Variants in PCDH7 observed in about 807,000 individuals in gnomAD.
The protein encoded by PCDH7 is protocadherin-7.
In PCDH7, 17 loss-of-function variants were observed where a neutral mutation model predicts 58.9. That is an observed-to-expected ratio of 0.29 (90% CI 0.20 to 0.43). The LOEUF (loss-of-function observed/expected upper bound fraction) is 0.43. PCDH7 is among the 20% of genes least tolerant of loss of function. PCDH7 has a pLI of 1.00. For synonymous variants in PCDH7, 664 were observed against 616.4 expected (o/e 1.08, Z -1.14); for missense variants, 1,274 against 1,441.0 (o/e 0.88, Z 1.88).
At chr4:30,915,230 C>CT (rs1742288382) in intron 1 of PCDH7, among the ~76,000 whole-genome samples, 1 of 152,274 alleles carries the variant, frequency 6.6e-6, no homozygotes, top group Non-Finnish European at 1.5e-5. Flanking sequence ...CTATTTCTCT[C>CT]TTTTTTCATA....
chr4:30,750,850 A>G (rs1056259978), intron 1 of PCDH7, among the ~76,000 whole-genome samples: 4 of 152,172 alleles, frequency 2.6e-5, no homozygotes, highest in East Asian at 3.9e-4. Context: ...TGGAGCATTT[A>G]TATATAAAGT....
chr4:31,019,632 T>G (rs1287995171), intron 3 of PCDH7, among the ~76,000 whole-genome samples: 1 of 150,178 alleles, frequency 6.7e-6, no homozygotes, highest in African/African-American at 2.5e-5. Context: ...GAGGTTGCAG[T>G]GAGCCCAGAT....
intron 3 of PCDH7, among the ~76,000 whole-genome samples, chr4:31,090,651 A>G (rs1431776568): frequency 6.6e-6 from 1 of 152,096 alleles, no homozygotes; most frequent in Non-Finnish European, 1.5e-5. Flanking sequence ...CGGATATATA[A>G]TCTAAGGATG....
At chr4:30,862,722 G>C (rs1463275826) in intron 1 of PCDH7, among the ~76,000 whole-genome samples, 1 of 152,010 alleles carries the variant, frequency 6.6e-6, no homozygotes, top group Non-Finnish European at 1.5e-5. Context: ...GCTTCTCTCA[G>C]TTCAACAACA....
At chr4:31,121,937 G>A (rs578048286) in intron 3 of PCDH7, among the ~76,000 whole-genome samples, 14 of 152,144 alleles carry the variant, frequency 9.2e-5, no homozygotes, top group African/African-American at 2.6e-4. Context: ...GGTTAGTAGC[G>A]CTGGAGTTAA....
At chr4:30,832,411 A>C (rs1729918927) in intron 1 of PCDH7, among the ~76,000 whole-genome samples, 1 of 152,128 alleles carries the variant, frequency 6.6e-6, no homozygotes, top group African/African-American at 2.4e-5. Context: ...GTAAGCATCG[A>C]CAGATTTTTG....
intron 3 of PCDH7, among the ~76,000 whole-genome samples, chr4:31,087,884 A>T (rs990090818): frequency 2.6e-5 from 4 of 152,096 alleles, no homozygotes; most frequent in African/African-American, 9.7e-5. Flanking sequence ...ATAAGTAGTT[A>T]AGGGAAGAAA....
intron 1 of PCDH7, among the ~76,000 whole-genome samples, chr4:30,841,358 A>G (rs1041118920): frequency 6.6e-6 from 1 of 152,148 alleles, no homozygotes; most frequent in Non-Finnish European, 1.5e-5. Flanking sequence ...AATGAGTTCA[A>G]GGAACTAAAT....
intron 3 of PCDH7, among the ~76,000 whole-genome samples, chr4:31,109,015 T>C (rs1229616419): frequency 1.3e-5 from 2 of 152,176 alleles, no homozygotes; most frequent in African/African-American, 4.8e-5. Context: ...CTTCCATTTG[T>C]CCTTTCCTGG....
chr4:31,108,369 T>TAAAAAAA lies in PCDH7; in HGVS notation c.*8-34070_*8-34064dup, dbSNP rs71190491. Among the ~76,000 whole-genome samples the TAAAAAAA allele has an allele frequency of 1.1e-3, 65 of 60,070 alleles. 3 individuals are homozygous for TAAAAAAA. Among genetic ancestry groups the TAAAAAAA allele is most frequent in the Non-Finnish European group, 1.4e-3 (39 of 27,002 alleles). The allele number at this position is 60,070 out of a possible 152,430, so 39.4% of individuals were successfully genotyped here. A position where few individuals can be genotyped will look rare whatever the true frequency, so the allele number is the denominator to read the frequency against. On this transcript the variant is annotated intron_variant, in intron 3 of 3. Transcript: ENST00000509759. Reference sequence around the variant, plus strand: ...GTAGACTGTAACATACAGCATACAGTAAAAAAAAAAAAAAAAAAAAAAAAA... The same window carrying TAAAAAAA: ...GTAGACTGTAACATACAGCATACAGTAAAAAAAAAAAAAAAAAAAAAAAAAAAAAAAA...
chr4:30,743,971 G>C (rs1287541421), intron 1 of PCDH7, among the ~76,000 whole-genome samples: 1 of 152,062 alleles, frequency 6.6e-6, no homozygotes, highest in Non-Finnish European at 1.5e-5. Context: ...TCTGTACTTG[G>C]CAATCTTCCT....
At chr4:30,981,880 C>T (rs1329363918) in intron 3 of PCDH7, among the ~76,000 whole-genome samples, 3 of 152,100 alleles carry the variant, frequency 2.0e-5, no homozygotes, top group South Asian at 4.1e-4. Context: ...CTGTAGAATG[C>T]CATTCACCAT....
At chr4:31,064,418 A>G (rs1031234238) in intron 3 of PCDH7, among the ~76,000 whole-genome samples, 2 of 151,956 alleles carry the variant, frequency 1.3e-5, no homozygotes, top group African/African-American at 4.8e-5. Context: ...GTGGCAACAA[A>G]ATGTCCTAAG....
intron 3 of PCDH7, among the ~76,000 whole-genome samples, chr4:31,033,268 G>A (rs1468274776): frequency 6.6e-6 from 1 of 152,096 alleles, no homozygotes; most frequent in Non-Finnish European, 1.5e-5. Context: ...TCCATCAATA[G>A]GTCTATCAAA....
intron 1 of PCDH7, among the ~76,000 whole-genome samples, chr4:30,900,735 A>G (rs1407511072): frequency 6.6e-6 from 1 of 152,208 alleles, no homozygotes; most frequent in East Asian, 1.9e-4. Flanking sequence ...ACATAGATAT[A>G]GAAATGCTTC....
intron 1 of PCDH7, among the ~76,000 whole-genome samples, chr4:30,853,312 C>T (rs1332146314): frequency 6.6e-6 from 1 of 152,092 alleles, no homozygotes; most frequent in Non-Finnish European, 1.5e-5. Flanking sequence ...TATGAGGAAT[C>T]AAATGTCTAG....
At chr4:30,912,013 T>C (rs1486611743) in intron 1 of PCDH7, among the ~76,000 whole-genome samples, 1 of 152,158 alleles carries the variant, frequency 6.6e-6, no homozygotes, top group Non-Finnish European at 1.5e-5. Flanking sequence ...TAATGTCAAA[T>C]ATGTAATTGC....
At chr4:30,748,959 C>G (rs1577646259) in intron 1 of PCDH7, among the ~76,000 whole-genome samples, 1 of 152,246 alleles carries the variant, frequency 6.6e-6, no homozygotes, top group Non-Finnish European at 1.5e-5. Flanking sequence ...ATTCTTTCCT[C>G]TCTTACAACT....
intron 1 of PCDH7, among the ~76,000 whole-genome samples, chr4:30,797,295 C>T (rs1005572737): frequency 3.3e-5 from 5 of 149,698 alleles, no homozygotes; most frequent in East Asian, 4.1e-4. Context: ...TTTTTTGAGA[C>T]GGAGTCTTGC....
Sources: allele counts gnomAD v4.1 joint callset (sites outside exome capture counted in the v4.1 genomes callset), GRCh38; gene constraint gnomAD v4.1.1; transcripts MANE v1.5; gene names NCBI Gene and HGNC (gene_info 2026-07-23, HGNC 2026-07-21).